The following EIPR1 variants were observed in gnomAD, a reference collection of about 807,000 sequenced individuals.
The protein encoded by EIPR1 is EARP and GARP complex-interacting protein 1.
EIPR1 carries 25 observed loss-of-function variants against 48.1 expected under a neutral mutation model. That is an observed-to-expected ratio of 0.52 (90% CI 0.38 to 0.73). The LOEUF (loss-of-function observed/expected upper bound fraction) is 0.73, where lower values mean the gene tolerates loss of function less well. Ranked by LOEUF, EIPR1 falls within the 30% of genes least tolerant of loss-of-function variation. The pLI is 0.00. For missense variants in EIPR1, 415 were observed against 506.2 expected, an observed-to-expected ratio of 0.82 and a Z score of 1.73; for synonymous variants, 204 against 201.9, an observed-to-expected ratio of 1.01 and a Z score of -0.09.
chr2:3,211,032 C>T (rs1665432238), intron 5 of EIPR1, among the ~76,000 whole-genome samples: 2 of 152,184 alleles, frequency 1.3e-5, no homozygotes, highest in Admixed American at 1.3e-4. Flanking sequence ...TGCTTATTAC[C>T]TGGCTCATGA....
intron 1 of EIPR1, among the ~76,000 whole-genome samples, chr2:3,372,699 A>AT (rs958793469): frequency 6.6e-6 from 1 of 152,232 alleles, no homozygotes; most frequent in African/African-American, 2.4e-5. Context: ...GAATCTCTGA[A>AT]TAGACCAATA....
chr2:3,375,845 C>T (rs780901169), intron 1 of EIPR1, among the ~76,000 whole-genome samples: 6 of 152,206 alleles, frequency 3.9e-5, no homozygotes, highest in Non-Finnish European at 7.3e-5. Flanking sequence ...GAGTGTCTGA[C>T]ACATAGTCCA....
intron 5 of EIPR1, among the ~76,000 whole-genome samples, chr2:3,199,947 G>A (rs1301843492): frequency 8.4e-5 from 11 of 131,062 alleles, no homozygotes; most frequent in South Asian, 2.7e-4. Context: ...ATCTGGGCAC[G>A]CATTGGGGGG....
At chr2:3,209,871 A>G (rs921532475) in intron 5 of EIPR1, among the ~76,000 whole-genome samples, 2 of 152,134 alleles carry the variant, frequency 1.3e-5, no homozygotes, top group Non-Finnish European at 2.9e-5. Context: ...TTGGAGAGAG[A>G]GCATGAGGAA....
intron 1 of EIPR1, among the ~76,000 whole-genome samples, chr2:3,356,720 GAA>G (rs1670738645): frequency 6.6e-6 from 1 of 152,218 alleles, no homozygotes; most frequent in South Asian, 2.1e-4. Context: ...ACTGAAATCA[GAA>G]AACCTTCCCT....
chr2:3,206,535 G>A (rs935246679), intron 5 of EIPR1, among the ~76,000 whole-genome samples: 1 of 152,244 alleles, frequency 6.6e-6, no homozygotes, highest in Non-Finnish European at 1.5e-5. Flanking sequence ...TTAGGTGACA[G>A]GATGTGCCGT....
chr2:3,356,448 A>G (rs184928644), intron 1 of EIPR1, among the ~76,000 whole-genome samples: 33 of 152,352 alleles, frequency 2.2e-4, no homozygotes, highest in African/African-American at 7.5e-4. Context: ...GGCTTAGAGG[A>G]AAAAGTTGTA....
intron 1 of EIPR1, 100 bp downstream of exon 1, chr2:3,377,548 G>T: frequency 6.9e-7 from 1 of 1,444,134 alleles, no homozygotes; most frequent in Non-Finnish European, 9.5e-7. Flanking sequence ...ACGGGTCCTT[G>T]CAGGGCTGGT....
chr2:3,202,141 G>A (rs184068122), intron 5 of EIPR1, among the ~76,000 whole-genome samples: 10 of 152,184 alleles, frequency 6.6e-5, no homozygotes, highest in Admixed American at 3.3e-4. Context: ...GTTTCACCAT[G>A]TTAGCCAGGA....
chr2:3,323,542 G>T (rs34611475), intron 3 of EIPR1, among the ~76,000 whole-genome samples: 10,114 of 152,260 alleles, frequency 0.066, 355 homozygotes, highest in African/African-American at 0.078. Flanking sequence ...ACAGGTCCAC[G>T]ATGGACATGG....
chr2:3,244,651 C>A (rs1666740180), intron 4 of EIPR1, among the ~76,000 whole-genome samples: 1 of 152,160 alleles, frequency 6.6e-6, no homozygotes, highest in Admixed American at 6.5e-5. Context: ...CAAAAAGGAG[C>A]CATCTGTGAA....
chr2:3,193,861 G>T, intron 7 of EIPR1, 138 bp downstream of exon 7: 1 of 902,338 alleles, frequency 1.1e-6, no homozygotes, highest in South Asian at 2.2e-5. Flanking sequence ...TGTTTCTTTA[G>T]GAAAAATAAA....
chr2:3,253,428 TTCAAA>T (rs1341662754), intron 4 of EIPR1, among the ~76,000 whole-genome samples: 2 of 152,142 alleles, frequency 1.3e-5, no homozygotes, highest in Non-Finnish European at 2.9e-5. Context: ...AATAAATCTC[TTCAAA>T]TATTTTACAG....
At chr2:3,295,304 C>CAT (rs1668523612) in intron 3 of EIPR1, among the ~76,000 whole-genome samples, 3 of 138,462 alleles carry the variant, frequency 2.2e-5, no homozygotes, top group Non-Finnish European at 4.7e-5. Context: ...TCTCTCCACA[C>CAT]ACACCCTCCA....
At chr2:3,233,310 A>G (rs1481761151) in intron 4 of EIPR1, among the ~76,000 whole-genome samples, 1 of 152,168 alleles carries the variant, frequency 6.6e-6, no homozygotes, top group African/African-American at 2.4e-5. Context: ...GAATTTCCAT[A>G]ATTTTTTAAT....
intron 5 of EIPR1, among the ~76,000 whole-genome samples, chr2:3,197,236 A>G (rs973281126): frequency 1.3e-5 from 2 of 152,260 alleles, no homozygotes; most frequent in African/African-American, 4.8e-5. Context: ...AATAGAAAGC[A>G]TATTAATAGG....
chr2:3,209,867 A>T (rs1572296861), intron 5 of EIPR1, among the ~76,000 whole-genome samples: 1 of 152,284 alleles, frequency 6.6e-6, no homozygotes, highest in East Asian at 1.9e-4. Context: ...GGGCTTGGAG[A>T]GAGAGCATGA....
At chr2:3,257,265 TC>T (rs1196052679) in intron 4 of EIPR1, 33 bp downstream of exon 4, 1 of 1,591,726 alleles carries the variant, frequency 6.3e-7, no homozygotes, top group Non-Finnish European at 8.6e-7. Context: ...ACCTGCAGGC[TC>T]GTTCTGGGCG....
In EIPR1 at chr2:3,373,182, G is replaced by A. The variant is rs575359557; in HGVS notation, c.42+4466C>T. ...AAGGCCTTTGACAAAATTCAACAACGCTTCATGCTAAAAACTCTCAATAAA... is the reference window on the plus strand; with the variant it reads ...AAGGCCTTTGACAAAATTCAACAACACTTCATGCTAAAAACTCTCAATAAA... On this transcript the variant is annotated intron_variant, in intron 1 of 8. Coordinates refer to ENST00000382125, the MANE Select transcript of EIPR1 (RefSeq NM_003310.5). Among the ~76,000 whole-genome samples the A allele has an allele frequency of 3.2e-4, 49 of 151,470 alleles. 1 individual carries two copies. Among genetic ancestry groups the A allele is most frequent in the African/African-American group, 1.1e-3 (47 of 41,318 alleles).
Sources: allele counts gnomAD v4.1 joint callset (sites outside exome capture counted in the v4.1 genomes callset), GRCh38; gene constraint gnomAD v4.1.1; transcripts MANE v1.5; gene names NCBI Gene and HGNC (gene_info 2026-07-23, HGNC 2026-07-21).